HYAL4: variants seen among roughly 807,000 people sequenced by gnomAD.
HYAL4 encodes the protein hyaluronidase-4.
In HYAL4, 37 loss-of-function variants were observed where a neutral mutation model predicts 35.2. The observed-to-expected ratio is 1.05, with a 90% CI of 0.81 to 1.38. HYAL4 has a LOEUF of 1.38. Among genes scored for constraint, HYAL4 ranks in the 40% most tolerant of loss-of-function variants. HYAL4 has a pLI of 0.00. For missense variants in HYAL4, 572 were observed against 572.4 expected, an observed-to-expected ratio of 1.00 and a Z score of 0.01; for synonymous variants, 198 against 203.2, an observed-to-expected ratio of 0.97 and a Z score of 0.22.
chr7:123,803,035 C>T, the HYAL4 span, among the ~76,000 whole-genome samples: 2 of 152,216 alleles, frequency 1.3e-5, no homozygotes, highest in Middle Eastern at 6.8e-3. Context: ...CAGTTGAGTA[C>T]CACAAAGTTG....
At chr7:123,835,681 A>G (rs914755694) in intron 1 of HYAL4, among the ~76,000 whole-genome samples, 8 of 152,042 alleles carry the variant, frequency 5.3e-5, no homozygotes, top group Non-Finnish European at 1.2e-4. Flanking sequence ...TTGTCTATTT[A>G]TGCTTTTTCA....
the HYAL4 span, among the ~76,000 whole-genome samples, chr7:123,768,104 A>C: frequency 6.6e-6 from 1 of 152,198 alleles, no homozygotes; most frequent in African/African-American, 2.4e-5. Context: ...ATTTTTAAAA[A>C]ATGTAAGATT....
intron 2 of HYAL4, among the ~76,000 whole-genome samples, chr7:123,858,274 C>G (rs75326311): frequency 0.021 from 3,194 of 152,160 alleles, 102 homozygotes; most frequent in African/African-American, 0.073. Context: ...ATAATCCAAC[C>G]AGCTCTTTAT....
At chr7:123,769,572 T>C in the HYAL4 span, among the ~76,000 whole-genome samples, 1 of 152,108 alleles carries the variant, frequency 6.6e-6, no homozygotes, top group African/African-American at 2.4e-5. Flanking sequence ...GGTGGCTCTC[T>C]GCAATTGGAG....
At chr7:123,823,065 G>A in the HYAL4 span, among the ~76,000 whole-genome samples, 2 of 132,916 alleles carry the variant, frequency 1.5e-5, no homozygotes, top group Non-Finnish European at 3.4e-5. Flanking sequence ...TTTCATCATT[G>A]ACTATGATGT....
chr7:123,825,294 A>C (rs192856113), upstream of HYAL4, among the ~76,000 whole-genome samples: 37 of 152,254 alleles, frequency 2.4e-4, no homozygotes, highest in African/African-American at 8.9e-4. Context: ...CCAAACTGTC[A>C]CATAGACAAA....
intron 2 of HYAL4, among the ~76,000 whole-genome samples, chr7:123,855,315 T>G (rs1195678361): frequency 6.6e-6 from 1 of 152,222 alleles, no homozygotes; most frequent in Non-Finnish European, 1.5e-5. Flanking sequence ...CTTTACATTT[T>G]GGTATGTTTT....
chr7:123,832,921 A>G (rs1236443592), intron 1 of HYAL4, among the ~76,000 whole-genome samples: 1 of 152,172 alleles, frequency 6.6e-6, no homozygotes, highest in Non-Finnish European at 1.5e-5. Context: ...GTTGTTGCGA[A>G]TGCCATTAGT....
the HYAL4 span, among the ~76,000 whole-genome samples, chr7:123,812,230 T>C: frequency 6.6e-6 from 1 of 152,160 alleles, no homozygotes; most frequent in African/African-American, 2.4e-5. Context: ...ATATCAGATT[T>C]GTTGAACAAA....
At chr7:123,767,825 A>G in the HYAL4 span, among the ~76,000 whole-genome samples, 1 of 152,232 alleles carries the variant, frequency 6.6e-6, no homozygotes, top group Non-Finnish European at 1.5e-5. Flanking sequence ...TACCAGTGGT[A>G]GGGAAAATGA....
At chr7:123,808,179 T>C in the HYAL4 span, among the ~76,000 whole-genome samples, 2 of 151,920 alleles carry the variant, frequency 1.3e-5, no homozygotes, top group Admixed American at 6.6e-5. Flanking sequence ...ATGGTATATA[T>C]GTAAACCTTT....
chr7:123,813,276 T>G, the HYAL4 span, among the ~76,000 whole-genome samples: 2 of 152,202 alleles, frequency 1.3e-5, no homozygotes, highest in African/African-American at 4.8e-5. Context: ...TGAAACCATA[T>G]TGCTTTCAGG....
the HYAL4 span, among the ~76,000 whole-genome samples, chr7:123,822,569 A>G: frequency 2.6e-5 from 4 of 152,184 alleles, no homozygotes; most frequent in African/African-American, 9.6e-5. Flanking sequence ...ATATAGAACT[A>G]TATCATCTGC....
chr7:123,856,116 T>G (rs2116936929), intron 2 of HYAL4, among the ~76,000 whole-genome samples: 1 of 152,096 alleles, frequency 6.6e-6, no homozygotes, highest in South Asian at 2.1e-4. Flanking sequence ...TTTATCAAGG[T>G]TCTTAGGTTC....
chr7:123,818,314 G>A, the HYAL4 span, among the ~76,000 whole-genome samples: 6 of 152,196 alleles, frequency 3.9e-5, no homozygotes, highest in Non-Finnish European at 5.9e-5. Context: ...TGGATGGACT[G>A]TGATTTTGCC....
At chr7:123,876,711 C>G in intron 4 of HYAL4, 43 bp from the exon 5 acceptor site, 1 of 1,570,362 alleles carries the variant, frequency 6.4e-7, no homozygotes, top group Non-Finnish European at 8.7e-7. Flanking sequence ...TACATTTCTA[C>G]CAGGGAGAAC....
chr7:123,817,176 C>G, the HYAL4 span, among the ~76,000 whole-genome samples: 2 of 152,104 alleles, frequency 1.3e-5, no homozygotes, highest in Non-Finnish European at 1.5e-5. Context: ...CCCTTTATCT[C>G]CCATCTCTCC....
chr7:123,872,003 A>G (rs1806894348), intron 3 of HYAL4, among the ~76,000 whole-genome samples: 1 of 152,150 alleles, frequency 6.6e-6, no homozygotes, highest in South Asian at 2.1e-4. Context: ...ATTATTTATT[A>G]TTAGTTTTTC....
the HYAL4 span, among the ~76,000 whole-genome samples, chr7:123,817,946 C>T: frequency 2.0e-5 from 3 of 150,924 alleles, no homozygotes; most frequent in Admixed American, 1.3e-4. Context: ...GACAGGATCT[C>T]GGCTCACTGC....
Sources: gnomAD v4.1 joint callset for allele counts (sites outside exome capture counted in the v4.1 genomes callset) on GRCh38, gnomAD v4.1.1 for gene constraint, MANE v1.5 for transcripts, NCBI Gene and HGNC (gene_info 2026-07-23, HGNC 2026-07-21) for gene names.